Variants in DOK6 observed in about 807,000 individuals in gnomAD.
The protein encoded by DOK6 is docking protein 6, also known as downstream of tyrosine kinase 6.
In DOK6, 22 loss-of-function variants were observed where a neutral mutation model predicts 44.0. That is an observed-to-expected ratio of 0.50 (90% confidence interval 0.36 to 0.71). The LOEUF (loss-of-function observed/expected upper bound fraction) is 0.71, where lower values mean the gene tolerates loss of function less well. DOK6 is among the 30% of genes least tolerant of loss of function. DOK6 has a pLI of 0.00. For synonymous variants in DOK6, 166 were observed against 145.5 expected (o/e 1.14, Z -1.01); for missense variants, 340 against 416.4 (o/e 0.82, Z 1.60).
At chr18:69,767,964 T>A (rs1197716622) in intron 7 of DOK6, among the ~76,000 whole-genome samples, 1 of 152,172 alleles carries the variant, frequency 6.6e-6, no homozygotes, top group African/African-American at 2.4e-5. Flanking sequence ...AATCCACCAA[T>A]GGTTTTATTA....
At chr18:69,434,016 A>G (rs1978879457) in intron 1 of DOK6, among the ~76,000 whole-genome samples, 1 of 152,218 alleles carries the variant, frequency 6.6e-6, no homozygotes, top group Non-Finnish European at 1.5e-5. Flanking sequence ...TTTTTCCACT[A>G]GGAATAATCA....
intron 5 of DOK6, among the ~76,000 whole-genome samples, chr18:69,731,113 C>G (rs1978385670): frequency 6.6e-6 from 1 of 152,004 alleles, no homozygotes; most frequent in South Asian, 2.1e-4. Flanking sequence ...AAATGTGGTA[C>G]TTTATCAGTG....
chr18:69,617,218 G>C (rs1231563870), intron 3 of DOK6, among the ~76,000 whole-genome samples: 1 of 152,146 alleles, frequency 6.6e-6, no homozygotes, highest in African/African-American at 2.4e-5. Flanking sequence ...ACTTTAGGAG[G>C]TCAAGGTGGG....
chr18:69,445,041 T>C (rs944153870), intron 1 of DOK6, among the ~76,000 whole-genome samples: 1 of 152,214 alleles, frequency 6.6e-6, no homozygotes, highest in African/African-American at 2.4e-5. Context: ...AGTATACAAG[T>C]CTTGCATATT....
Position 69,841,441 on chromosome 18 carries a change from T to G in DOK6, c.*58T>G, listed in dbSNP as rs1280294295. On this transcript the variant is annotated 3_prime_UTR_variant, in exon 8 of 8. Coordinates refer to ENST00000382713, the MANE Select transcript of DOK6 (RefSeq NM_152721.6). ...GTCTGTCCTGGACCCGTCTGTGGGG[T>G]CATTACCCTCTGCCTCCTGGAAGAC... 1 of 1,599,600 alleles carries G rather than the reference T, an allele frequency of 6.3e-7. No homozygotes were observed. The highest frequency in any genetic ancestry group is 8.5e-7 in the Non-Finnish European group (1 of 1,170,528).
At position 69,401,330 on chromosome 18, in the gene DOK6, T is replaced by A; in HGVS notation, c.66+20T>A. 1 of 1,504,046 alleles carries A rather than the reference T, an allele frequency of 6.6e-7. No individual in the cohort carries two copies. The highest frequency in any genetic ancestry group is 1.3e-5 in the South Asian group (1 of 77,414). The allele number at this position is 1,504,046 out of a possible 1,614,324, so 93.2% of individuals were successfully genotyped here. A position where few individuals can be genotyped will look rare whatever the true frequency, so the allele number is the denominator to read the frequency against. ...CTTGGGGTGAGTGGCTCGCTCGGCT[T>A]GCTCCTTCCCCGGCGCTCGTTCGGC... is the stretch of plus-strand genomic sequence containing the variant. On this transcript the variant is annotated intron_variant, in intron 1 of 7. Transcript: ENST00000382713.
chr18:69,427,831 A>G (rs1978685420), intron 1 of DOK6, among the ~76,000 whole-genome samples: 1 of 151,306 alleles, frequency 6.6e-6, no homozygotes, highest in African/African-American at 2.4e-5. Flanking sequence ...AGGCCGGAGT[A>G]CAATGGCGTG....
intron 7 of DOK6, among the ~76,000 whole-genome samples, chr18:69,792,327 G>A (rs183952241): frequency 4.1e-4 from 62 of 152,196 alleles, no homozygotes; most frequent in Middle Eastern, 3.4e-3. Flanking sequence ...TCTATAGATT[G>A]CTAGGTAATA....
At chr18:69,643,917 C>T (rs1280449115) in intron 3 of DOK6, 1 of 152,096 alleles carries the variant, frequency 6.6e-6, no homozygotes, top group Non-Finnish European at 1.5e-5. Context: ...GTGTTGTCAC[C>T]ATTGTATTAT....
chr18:69,652,233 GT>G (rs1215393385), intron 3 of DOK6, among the ~76,000 whole-genome samples: 1 of 152,184 alleles, frequency 6.6e-6, no homozygotes, highest in African/African-American at 2.4e-5. Flanking sequence ...CAGAGAAGTT[GT>G]TTTTTATACA....
chr18:69,462,686 C>T (rs369774734), intron 1 of DOK6, among the ~76,000 whole-genome samples: 89 of 152,256 alleles, frequency 5.8e-4, no homozygotes, highest in African/African-American at 1.8e-3. Context: ...CATTCATGTA[C>T]GGTATTAACT....
intron 7 of DOK6, among the ~76,000 whole-genome samples, chr18:69,763,940 C>T (rs1446738490): frequency 6.6e-6 from 1 of 152,202 alleles, no homozygotes; most frequent in Non-Finnish European, 1.5e-5. Context: ...GGACCACATC[C>T]TCCTCCATGA....
intron 7 of DOK6, among the ~76,000 whole-genome samples, chr18:69,795,424 AT>A (rs1348053418): frequency 6.6e-6 from 1 of 152,200 alleles, no homozygotes; most frequent in Non-Finnish European, 1.5e-5. Flanking sequence ...GACTATTTCT[AT>A]AGAGCTAAAA....
At chr18:69,658,439 G>A (rs898015890) in intron 3 of DOK6, among the ~76,000 whole-genome samples, 3 of 152,148 alleles carry the variant, frequency 2.0e-5, no homozygotes, top group African/African-American at 7.2e-5. Flanking sequence ...CTGGCACACA[G>A]TAAATATTTT....
intron 7 of DOK6, among the ~76,000 whole-genome samples, chr18:69,769,453 A>G (rs768670845): frequency 2.0e-5 from 3 of 152,152 alleles, no homozygotes; most frequent in Admixed American, 2.0e-4. Flanking sequence ...TTGTATCTGT[A>G]ACTCTAATAT....
At chr18:69,702,713 G>A (rs1986549412) in intron 5 of DOK6, among the ~76,000 whole-genome samples, 1 of 152,218 alleles carries the variant, frequency 6.6e-6, no homozygotes, top group Non-Finnish European at 1.5e-5. Flanking sequence ...ATGAGTGAAT[G>A]TGGTGACGTT....
chr18:69,748,994 T>C (rs1290858967), intron 6 of DOK6, among the ~76,000 whole-genome samples: 1 of 152,208 alleles, frequency 6.6e-6, no homozygotes, highest in Non-Finnish European at 1.5e-5. Flanking sequence ...AACAAGATTA[T>C]GTCCTTTTCA....
At chr18:69,823,189 G>A (rs977833108) in intron 7 of DOK6, among the ~76,000 whole-genome samples, 3 of 152,056 alleles carry the variant, frequency 2.0e-5, no homozygotes, top group African/African-American at 7.2e-5. Context: ...ATTTCACAAG[G>A]CTCCAAAGAC....
At chr18:69,787,558 T>C (rs895069593) in intron 7 of DOK6, among the ~76,000 whole-genome samples, 2 of 152,202 alleles carry the variant, frequency 1.3e-5, no homozygotes, top group Non-Finnish European at 2.9e-5. Context: ...GTCCAGTGTG[T>C]GAAATCAATT....
Sources: allele counts gnomAD v4.1 joint callset (sites outside exome capture counted in the v4.1 genomes callset), GRCh38; gene constraint gnomAD v4.1.1; transcripts MANE v1.5; gene names NCBI Gene and HGNC (gene_info 2026-07-23, HGNC 2026-07-21).